The following MUC12 variants were observed in gnomAD, a reference collection of about 807,000 sequenced individuals.
The protein encoded by MUC12 is mucin-12.
In MUC12, 172 loss-of-function variants were observed where a neutral mutation model predicts 230.8. That is an observed-to-expected ratio of 0.75 (90% CI 0.66 to 0.85). MUC12 has a LOEUF of 0.85. Among genes scored for constraint, MUC12 ranks in the 40% least tolerant of loss-of-function variants. The pLI, the probability that MUC12 is intolerant of heterozygous loss-of-function variation, is 0.00. For missense variants in MUC12, 3,506 were observed against 5,920.6 expected (o/e 0.59, Z 13.38); for synonymous variants, 1,259 against 2,401.9 (o/e 0.52, Z 13.91).
chr7:101,005,043 G>T lies in MUC12; in HGVS notation c.14480G>T (p.Ser4827Ile). The part of the protein sequence containing the change: ...SFAQEFTTPH[S>I]QPGSALSTVS... ...GCTCAAGAATTTACCACCCCTCATAGCCAACCAGGCTCAGCTCTGTCAACA... is the reference window on the plus strand; with the variant it reads ...GCTCAAGAATTTACCACCCCTCATATCCAACCAGGCTCAGCTCTGTCAACA... Residue 4827 changes from serine to isoleucine, a missense_variant, in exon 2 of 12, where the codon AGC becomes ATC. Coordinates refer to ENST00000536621, the MANE Select transcript of MUC12 (RefSeq NM_001164462.2). The T allele has an allele frequency of 6.5e-7, 1 of 1,537,756 alleles. No homozygotes were observed. The highest frequency in any genetic ancestry group is 8.7e-7 in the Non-Finnish European group (1 of 1,147,034).
In MUC12 at chr7:101,012,358, A is replaced by C. The variant is rs1469074883; in HGVS notation, c.15314A>C (p.Glu5105Ala). 2 of 1,537,454 alleles carry C rather than the reference A, an allele frequency of 1.3e-6. No homozygotes were observed. The highest frequency in any genetic ancestry group is 2.7e-5 in the African/African-American group (2 of 73,048). The stretch of plus-strand genomic sequence containing the variant: ...GAGGCAGACTACACTTTAGAGTATG[A>C]GGAACTGTTTGAAAACCTGGCAGAG... The part of the protein sequence containing the change: ...ILEADYTLEY[E>A]ELFENLAEIV... Residue 5105 changes from glutamate to alanine, a missense_variant, in exon 6 of 12, where the codon GAG becomes GCG. Physicochemically the swap from Glu to Ala is moderately radical, Grantham distance 107. Transcript: ENST00000536621.
chr7:101,006,512 G>T lies in MUC12; in HGVS notation c.14998G>T (p.Val5000Phe). 2.0e-6 allele frequency: 3 copies of T among 1,537,190 alleles called. No individual in the cohort carries two copies. Among genetic ancestry groups the T allele is most frequent in the Non-Finnish European group, 2.6e-6 (3 of 1,146,896 alleles). The change falls in exon 3 of 12, where the codon GTC becomes TTC. Residue 5000 changes from valine to phenylalanine, a missense_variant. Physicochemically the swap from Val to Phe is conservative, Grantham distance 50 (BLOSUM62 -1). Transcript: ENST00000536621. ...EGQIWNGKQCVCPQGYVGYQC... is the reference protein window; with the variant it reads ...EGQIWNGKQCFCPQGYVGYQC... ...ACAAATTTGGAATGGAAAACAATGC[G>T]TCTGTCCCCAAGGCTACGTTGGTTA...
chr7:101,010,300 G>T (rs1197150888), intron 5 of MUC12, among the ~76,000 whole-genome samples: 1 of 152,116 alleles, frequency 6.6e-6, no homozygotes, highest in East Asian at 1.9e-4. Context: ...ACATGGAGTG[G>T]TTGCGTGATG....
At position 100,995,470 on chromosome 7, in the gene MUC12, A is replaced by G; in HGVS notation, c.4907A>G (p.His1636Arg). The change falls in exon 2 of 12, where the codon CAC becomes CGC. Residue 1636 changes from histidine to arginine, a missense_variant. Coordinates refer to ENST00000536621, the MANE Select transcript of MUC12 (RefSeq NM_001164462.2). ...CTTGGTCCAGAATCTACTACTTTCC[A>G]CAGCAGCCCAGGCTCCACTGAAACA... ...SSLGPESTTF[H>R]SSPGSTETTL... 6.5e-7 allele frequency: 1 copy of G among 1,532,416 alleles called. No individual in the cohort carries two copies. The highest frequency in any genetic ancestry group is 8.7e-7 in the Non-Finnish European group (1 of 1,145,294). 94.9% of individuals were successfully genotyped at this position (1,532,416 alleles called of 1,614,324 possible).
intron 1 of MUC12, among the ~76,000 whole-genome samples, chr7:100,970,628 C>T (rs896605767): frequency 2.6e-5 from 4 of 152,204 alleles, no homozygotes; most frequent in Admixed American, 6.5e-5. Context: ...AATCCTAGCA[C>T]TTTGGGATGC....
chr7:100,974,493 C>T lies in MUC12; in HGVS notation c.67+4804C>T, dbSNP rs535570532. ...GACTTATCTTCACTAATTCTTTCCT[C>T]TACTGTGTCTTATCTGCTGATCATC... On this transcript the variant is annotated intron_variant, in intron 1 of 11. Transcript: ENST00000536621. 4.7e-4 allele frequency among the ~76,000 whole-genome samples: 59 copies of T among 124,512 alleles called. 1 individual carries two copies. Among genetic ancestry groups the T allele is most frequent in the African/African-American group, 1.6e-3 (50 of 31,914 alleles). The allele number at this position is 124,512 out of a possible 152,430, so 81.7% of individuals were successfully genotyped here. A position where few individuals can be genotyped will look rare whatever the true frequency, so the allele number is the denominator to read the frequency against.
Position 100,991,007 on chromosome 7 carries a change from C to T in MUC12, c.444C>T (p.Asp148=). The change falls in exon 2 of 12, where the codon GAC becomes GAT. Residue 148 remains aspartate (D), a synonymous_variant. Transcript: ENST00000536621. ...TTFYSSPRSP[D]RTLSPARTTS... ...TCTACAGTAGCCCCAGATCACCAGA[C>T]AGAACACTCTCACCTGCCCGCACGA... The T allele has an allele frequency of 6.5e-7, 1 of 1,537,874 alleles. No individual in the cohort carries two copies. The highest frequency in any genetic ancestry group is 8.7e-7 in the Non-Finnish European group (1 of 1,147,052).
At chr7:101,018,476 TGGGACTCCCTCCCTCCC>T in intron 11 of MUC12, 102 bp from the exon 12 acceptor site, 4 of 137,648 alleles carry the variant, frequency 2.9e-5, no homozygotes, top group South Asian at 2.3e-4. Context: ...TCCCTCCCCC[TGGGACTCCCTCCCTCCC>T]CCTGGGGTTC....
At chr7:101,012,720 C>T (rs1212951016) in intron 6 of MUC12, 99 bp from the exon 7 acceptor site, 1 of 1,355,310 alleles carries the variant, frequency 7.4e-7, no homozygotes, top group African/African-American at 1.4e-5. Context: ...GGCATTGGCC[C>T]AGGGGAGGGC....
At chr7:101,006,675 G>A in intron 3 of MUC12, 103 bp downstream of exon 3, 1 of 785,974 alleles carries the variant, frequency 1.3e-6, no homozygotes, top group East Asian at 2.7e-5. Flanking sequence ...CTTGCAGGTG[G>A]AGGAGGTGTG....
In MUC12 at chr7:101,005,215, C is replaced by A. The variant is rs1349282437; in HGVS notation, c.14652C>A (p.Ser4884Arg). 6.5e-7 allele frequency: 1 copy of A among 1,537,874 alleles called. No individual in the cohort carries two copies. The highest frequency in any genetic ancestry group is 2.4e-5 in the East Asian group (1 of 40,922). ...HSQQSTPFPD[S>R]PGFTHTVLPA... The stretch of plus-strand genomic sequence containing the variant: ...AACAATCTACACCCTTCCCTGACAG[C>A]CCAGGCTTCACTCACACAGTGTTAC... Residue 4884 changes from serine to arginine, a missense_variant, in exon 2 of 12, where the codon AGC becomes AGA. Transcript: ENST00000536621.
intron 11 of MUC12, 37 bp downstream of exon 11, chr7:101,017,700 T>A: frequency 6.9e-7 from 1 of 1,442,340 alleles, no homozygotes; most frequent in Non-Finnish European, 9.4e-7. Context: ...CCCCTGAGGC[T>A]GCTCCACTTC....
rs73402858 is a variant in MUC12, at chr7:101,015,361, C to T, written c.15801-254C>T. The stretch of plus-strand genomic sequence containing the variant: ...TCAGCAACTGAAGGGAGCTACCCTA[C>T]GCCCCCATCTCATGGATATGGAAAC... On this transcript the variant is annotated intron_variant, in intron 9 of 11. Transcript: ENST00000536621. 5.6e-3 allele frequency: 2,863 copies of T among 509,288 alleles called. 58 individuals are homozygous for T. The highest frequency in any genetic ancestry group is 0.048 in the African/African-American group (2,473 of 51,824). 31.5% of individuals were successfully genotyped at this position (509,288 alleles called of 1,614,324 possible). A position where few individuals can be genotyped will look rare whatever the true frequency, so the allele number is the denominator to read the frequency against.
intron 5 of MUC12, among the ~76,000 whole-genome samples, chr7:101,009,818 G>C (rs1457794642): frequency 6.6e-6 from 1 of 152,182 alleles, no homozygotes; most frequent in African/African-American, 2.4e-5. Context: ...CAGATTCCAG[G>C]AACCTAAAGA....
At position 101,006,591 on chromosome 7, in the gene MUC12, A is replaced by G. The variant is rs201135094; in HGVS notation, c.15058+19A>G. Reference sequence around the variant, plus strand: ...CCTGTAGGTAATGACCTTTTCTGAGACCTGCAGCTCTTTGCAGGCCCTTTC... The same window carrying G: ...CCTGTAGGTAATGACCTTTTCTGAGGCCTGCAGCTCTTTGCAGGCCCTTTC... On this transcript the variant is annotated intron_variant, in intron 3 of 11. Coordinates refer to ENST00000536621, the MANE Select transcript of MUC12 (RefSeq NM_001164462.2). 1.4e-4 allele frequency: 216 copies of G among 1,492,590 alleles called. No homozygotes were observed. The highest frequency in any genetic ancestry group is 4.2e-5 in the Non-Finnish European group (47 of 1,106,510). The allele number at this position is 1,492,590 out of a possible 1,614,324, so 92.5% of individuals were successfully genotyped here.
chr7:101,017,383 C>G (rs781743407), intron 10 of MUC12, 192 bp from the exon 11 acceptor site: 1 of 554,176 alleles, frequency 1.8e-6, no homozygotes, highest in Non-Finnish European at 3.2e-6. Flanking sequence ...CGGGGTCCAG[C>G]GGGCGGCTCC....
At position 101,015,240 on chromosome 7, in the gene MUC12, T is replaced by A. The variant is rs1437606520; in HGVS notation, c.15801-375T>A. 5.0e-5 allele frequency: 12 copies of A among 241,352 alleles called. No individual in the cohort carries two copies. In the East Asian group the frequency reaches 1.2e-3, roughly 24 times the overall value. The allele number at this position is 241,352 out of a possible 1,614,324, so 15.0% of individuals were successfully genotyped here. A position where few individuals can be genotyped will look rare whatever the true frequency, so the allele number is the denominator to read the frequency against. ...ACAGCACCACATGGGGAAGCTGAGA[T>A]GGAGCGTCTGGGTCTCACTTTTCCC... On this transcript the variant is annotated intron_variant, in intron 9 of 11. Transcript: ENST00000536621.
intron 2 of MUC12, among the ~76,000 whole-genome samples, 165 bp downstream of exon 2, chr7:101,005,684 G>T (rs1344115646): frequency 6.6e-6 from 1 of 152,144 alleles, no homozygotes; most frequent in Non-Finnish European, 1.5e-5. Context: ...CAGTGTTCAT[G>T]TGCCGTTCAC....
chr7:100,982,149 G>A (rs1584827034), intron 1 of MUC12, among the ~76,000 whole-genome samples: 1 of 151,856 alleles, frequency 6.6e-6, no homozygotes, highest in African/African-American at 2.4e-5. Flanking sequence ...TTACAGGCGT[G>A]AGCCACCGTG....
Sources: allele counts gnomAD v4.1 joint callset (sites outside exome capture counted in the v4.1 genomes callset), GRCh38; gene constraint gnomAD v4.1.1; transcripts MANE v1.5; gene names NCBI Gene and HGNC (gene_info 2026-07-23, HGNC 2026-07-21).